Variants in NVL observed in about 807,000 individuals in gnomAD.
NVL encodes the protein nuclear valosin-containing protein-like.
A neutral mutation model predicts 110.2 loss-of-function variants in NVL; 84 were observed. The ratio of observed to expected loss-of-function variants is 0.76; its 90% CI spans 0.64 to 0.91. NVL has a LOEUF of 0.91. NVL is among the 40% of genes least tolerant of loss of function. The pLI, the probability that NVL is intolerant of heterozygous loss-of-function variation, is 0.00. For missense variants in NVL, 882 were observed against 1,035.9 expected (o/e 0.85, Z 2.04); for synonymous variants, 354 against 361.1 (o/e 0.98, Z 0.22).
At chr1:224,257,865 G>C (rs528436010) in intron 18 of NVL, among the ~76,000 whole-genome samples, 1 of 152,052 alleles carries the variant, frequency 6.6e-6, no homozygotes, top group Non-Finnish European at 1.5e-5. Flanking sequence ...ACACTCAAAA[G>C]AATCAATTTG....
At chr1:224,273,600 T>A (rs1242837332) in intron 17 of NVL, among the ~76,000 whole-genome samples, 1 of 152,008 alleles carries the variant, frequency 6.6e-6, no homozygotes, top group East Asian at 1.9e-4. Context: ...CTCTCCAAAT[T>A]TAGATTTACC....
chr1:224,280,720 TA>T (rs1666234286), intron 16 of NVL, among the ~76,000 whole-genome samples: 1 of 152,204 alleles, frequency 6.6e-6, no homozygotes, highest in East Asian at 1.9e-4. Flanking sequence ...CAAAGTGTCT[TA>T]AATTTGGATA....
At chr1:224,283,499 A>C (rs1167757899) in intron 15 of NVL, among the ~76,000 whole-genome samples, 1 of 152,132 alleles carries the variant, frequency 6.6e-6, no homozygotes, top group Admixed American at 6.5e-5. Flanking sequence ...AAAGAAAGAA[A>C]GAAAGAAAGA....
chr1:224,264,042 C>A (rs1319175379), intron 18 of NVL, among the ~76,000 whole-genome samples: 1 of 151,758 alleles, frequency 6.6e-6, no homozygotes, highest in African/African-American at 2.4e-5. Flanking sequence ...CAAACAAACT[C>A]CAAAAAGATT....
At chr1:224,254,905 T>C (rs1225606901) in intron 18 of NVL, among the ~76,000 whole-genome samples, 1 of 139,294 alleles carries the variant, frequency 7.2e-6, no homozygotes, top group African/African-American at 2.7e-5. Flanking sequence ...TGAGACGGAG[T>C]CTCTGTCGCC....
At chr1:224,301,673 G>A in intron 9 of NVL, 3 of 354,482 alleles carry the variant, frequency 8.5e-6, no homozygotes, top group Non-Finnish European at 1.1e-5. Flanking sequence ...GCTGATGCAT[G>A]CCTGCAGTCC....
chr1:224,251,848 C>A (rs1406768185), intron 18 of NVL, among the ~76,000 whole-genome samples: 4 of 152,108 alleles, frequency 2.6e-5, no homozygotes, highest in Admixed American at 2.6e-4. Flanking sequence ...ATTACGTCAA[C>A]CCTCAGTAAA....
intron 17 of NVL, among the ~76,000 whole-genome samples, chr1:224,274,259 C>T (rs1665520958): frequency 6.6e-6 from 1 of 151,614 alleles, no homozygotes; most frequent in Non-Finnish European, 1.5e-5. Context: ...CCACTGCACT[C>T]CAGCCTGGGA....
chr1:224,266,248 T>C (rs1664491729), intron 18 of NVL, among the ~76,000 whole-genome samples: 1 of 152,178 alleles, frequency 6.6e-6, no homozygotes, highest in African/African-American at 2.4e-5. Context: ...TCTCTCTGCT[T>C]CTTTCTTCTC....
chr1:224,227,857 T>G, intron 22 of NVL, 187 bp from the exon 23 acceptor site: 1 of 361,122 alleles, frequency 2.8e-6, no homozygotes, highest in South Asian at 5.4e-5. Flanking sequence ...TCTTATCCAA[T>G]ATGACTGCTC....
chr1:224,299,698 G>T (rs534233572), intron 10 of NVL, among the ~76,000 whole-genome samples: 1 of 152,336 alleles, frequency 6.6e-6, no homozygotes, highest in South Asian at 2.1e-4. Flanking sequence ...TAGCACCTGA[G>T]AAAGTTCAGC....
At chr1:224,239,489 G>A in intron 19 of NVL, among the ~76,000 whole-genome samples, 1 of 152,080 alleles carries the variant, frequency 6.6e-6, no homozygotes, top group Middle Eastern at 3.2e-3. Flanking sequence ...CTTGTTAGGT[G>A]CTTTCTATGA....
At chr1:224,318,211 T>C (rs1022150535) in intron 2 of NVL, among the ~76,000 whole-genome samples, 1 of 152,202 alleles carries the variant, frequency 6.6e-6, no homozygotes, top group African/African-American at 2.4e-5. Flanking sequence ...TCAACACTCG[T>C]ATATTCTTTA....
At chr1:224,240,120 T>C (rs759111724) in intron 19 of NVL, among the ~76,000 whole-genome samples, 6 of 135,298 alleles carry the variant, frequency 4.4e-5, no homozygotes, top group Non-Finnish European at 7.6e-5. Flanking sequence ...CAGGCTGGAG[T>C]GCAGTGGTGC....
intron 12 of NVL, among the ~76,000 whole-genome samples, chr1:224,291,832 A>G (rs946467849): frequency 6.6e-6 from 1 of 152,210 alleles, no homozygotes; most frequent in African/African-American, 2.4e-5. Context: ...GCTAACAGAA[A>G]ATAATATCGC....
intron 18 of NVL, 85 bp from the exon 19 acceptor site, chr1:224,250,403 C>G: frequency 7.9e-7 from 1 of 1,264,776 alleles, no homozygotes; most frequent in East Asian, 2.9e-5. Flanking sequence ...CTTGTTCCAT[C>G]TCCCAGGCTG....
At chr1:224,235,190 T>C (rs1034916526) in intron 20 of NVL, among the ~76,000 whole-genome samples, 4 of 152,084 alleles carry the variant, frequency 2.6e-5, no homozygotes, top group Non-Finnish European at 5.9e-5. Context: ...TTTTTTGAGA[T>C]GGAGTGTCGC....
At chr1:224,300,969 G>A (rs1286176687) in intron 9 of NVL, among the ~76,000 whole-genome samples, 1 of 151,980 alleles carries the variant, frequency 6.6e-6, no homozygotes, top group Non-Finnish European at 1.5e-5. Flanking sequence ...GCCATGCATG[G>A]TGGTGCATGC....
intron 4 of NVL, chr1:224,313,158 CAAAA>C (rs760756328): frequency 0.025 from 1,982 of 78,268 alleles, 13 homozygotes; most frequent in African/African-American, 0.075. Flanking sequence ...GACGCTGTCT[CAAAA>C]AAAAAAAAAA....
Sources: gnomAD v4.1 joint callset for allele counts (sites outside exome capture counted in the v4.1 genomes callset) on GRCh38, gnomAD v4.1.1 for gene constraint, MANE v1.5 for transcripts, NCBI Gene and HGNC (gene_info 2026-07-23, HGNC 2026-07-21) for gene names.